NRXN1: variants seen among roughly 807,000 people sequenced by gnomAD.
NRXN1 encodes the protein neurexin 1.
NRXN1 carries 39 observed loss-of-function variants against 150.9 expected under a neutral mutation model. The ratio of observed to expected loss-of-function variants is 0.26; its 90% CI spans 0.20 to 0.34. The LOEUF is 0.34. Ranked by LOEUF, NRXN1 falls within the 10% of genes least tolerant of loss-of-function variation. NRXN1 has a pLI of 1.00. For missense variants in NRXN1, 1,815 were observed against 1,949.9 expected (o/e 0.93, Z 1.30); for synonymous variants, 924 against 757.0 (o/e 1.22, Z -3.62).
At chr2:51,006,969 C>T (rs2105149652) in intron 2 of NRXN1, among the ~76,000 whole-genome samples, 1 of 151,686 alleles carries the variant, frequency 6.6e-6, no homozygotes, top group South Asian at 2.1e-4. Flanking sequence ...TCTATATTCA[C>T]CTATAATCTA....
chr2:49,940,091 G>T (rs1671711177), intron 22 of NRXN1, among the ~76,000 whole-genome samples: 3 of 152,062 alleles, frequency 2.0e-5, no homozygotes, highest in Admixed American at 2.0e-4. Flanking sequence ...CAGAGAAAAA[G>T]CCATTTTTTG....
At chr2:50,223,366 C>T (rs1320244280) in intron 18 of NRXN1, among the ~76,000 whole-genome samples, 3 of 151,956 alleles carry the variant, frequency 2.0e-5, no homozygotes, top group Non-Finnish European at 4.4e-5. Context: ...TTATCCAACA[C>T]CCTTCTCAAT....
intron 17 of NRXN1, among the ~76,000 whole-genome samples, chr2:50,311,446 G>A (rs1054594574): frequency 2.0e-5 from 3 of 152,034 alleles, no homozygotes; most frequent in African/African-American, 7.2e-5. Flanking sequence ...GTTATCTAAG[G>A]TTTCTAAATC....
intron 18 of NRXN1, among the ~76,000 whole-genome samples, chr2:50,137,087 AG>A (rs1706529803): frequency 6.6e-6 from 1 of 152,178 alleles, no homozygotes; most frequent in African/African-American, 2.4e-5. Flanking sequence ...AGACAAACCA[AG>A]TAGATTTTTT....
chr2:50,227,322 G>A (rs1445959725), intron 18 of NRXN1, among the ~76,000 whole-genome samples: 5 of 151,930 alleles, frequency 3.3e-5, no homozygotes, highest in African/African-American at 1.2e-4. Flanking sequence ...TACACATTGG[G>A]AAAAATACTT....
intron 18 of NRXN1, among the ~76,000 whole-genome samples, chr2:50,220,863 T>C (rs369341407): frequency 1.3e-5 from 2 of 151,958 alleles, no homozygotes; most frequent in East Asian, 1.9e-4. Context: ...CCTAAGCCAC[T>C]CTGCTGACAA....
At chr2:50,483,951 T>C (rs2090679504) in intron 15 of NRXN1, among the ~76,000 whole-genome samples, 1 of 152,232 alleles carries the variant, frequency 6.6e-6, no homozygotes. Flanking sequence ...GGTTTTTTTC[T>C]TATTTCAAAA....
At chr2:50,289,275 A>G (rs2072597222) in intron 17 of NRXN1, among the ~76,000 whole-genome samples, 1 of 152,176 alleles carries the variant, frequency 6.6e-6, no homozygotes. Context: ...CACCATAGAT[A>G]TTACTATTGA....
chr2:50,622,309 G>T (rs1680170045), intron 6 of NRXN1, among the ~76,000 whole-genome samples: 1 of 152,126 alleles, frequency 6.6e-6, no homozygotes, highest in South Asian at 2.1e-4. Flanking sequence ...GAACAGGAAA[G>T]AAAAGGTTAG....
At chr2:50,222,587 G>A (rs1326720153) in intron 18 of NRXN1, among the ~76,000 whole-genome samples, 1 of 151,764 alleles carries the variant, frequency 6.6e-6, no homozygotes, top group Non-Finnish European at 1.5e-5. Context: ...ATTTTAAAAT[G>A]TTATCCATTT....
intron 5 of NRXN1, 107 bp downstream of exon 5, chr2:50,921,762 C>T: frequency 2.3e-6 from 1 of 439,308 alleles, no homozygotes; most frequent in Middle Eastern, 3.3e-4. Context: ...ATATACCTAC[C>T]TCCCAGTGCC....
At chr2:50,073,890 T>C (rs1453589488) in intron 19 of NRXN1, among the ~76,000 whole-genome samples, 1 of 152,138 alleles carries the variant, frequency 6.6e-6, no homozygotes, top group Non-Finnish European at 1.5e-5. Context: ...TGAAGAAAAA[T>C]AGGCATATTT....
At position 50,497,829 on chromosome 2, in the gene NRXN1, C is replaced by T. The variant is rs138277457; in HGVS notation, c.2498-115G>A. 2,470 of 896,758 alleles carry T rather than the reference C, an allele frequency of 2.8e-3. 41 individuals carry two copies. The African/African-American group carries it at 0.037, about 13-fold the overall frequency. 55.6% of individuals were successfully genotyped at this position (896,758 alleles called of 1,614,324 possible). On this transcript the variant is annotated intron_variant, in intron 13 of 22. Coordinates refer to ENST00000401669, the MANE Select transcript of NRXN1 (RefSeq NM_001330078.2). ...CAAGGAGCCAAATCCCTCCTTGGTA[C>T]TCAGTTGCATATAGGAAGAACACTT...
At chr2:50,238,170 C>T (rs1390862734) in intron 17 of NRXN1, among the ~76,000 whole-genome samples, 1 of 151,970 alleles carries the variant, frequency 6.6e-6, no homozygotes, top group East Asian at 1.9e-4. Flanking sequence ...CTAGTCTTAC[C>T]TCAATGCATC....
chr2:50,447,194 C>A (rs2086492473), intron 17 of NRXN1, among the ~76,000 whole-genome samples: 1 of 151,962 alleles, frequency 6.6e-6, no homozygotes, highest in Non-Finnish European at 1.5e-5. Flanking sequence ...GCAATGCTGT[C>A]TGGGCATGGT....
At chr2:50,553,585 G>GA (rs530747800) in intron 8 of NRXN1, among the ~76,000 whole-genome samples, 13 of 152,016 alleles carry the variant, frequency 8.6e-5, no homozygotes, top group South Asian at 2.1e-4. Context: ...ACATTTCTCA[G>GA]AAAAAAAATA....
chr2:50,699,484 C>A (rs1226060695), intron 5 of NRXN1, among the ~76,000 whole-genome samples: 1 of 151,988 alleles, frequency 6.6e-6, no homozygotes, highest in East Asian at 1.9e-4. Context: ...AAGGGGAAGT[C>A]AGAGACATCT....
intron 21 of NRXN1, among the ~76,000 whole-genome samples, chr2:49,992,209 A>G (rs1222964408): frequency 6.6e-6 from 1 of 152,106 alleles, no homozygotes; most frequent in East Asian, 1.9e-4. Flanking sequence ...GATCCATGAG[A>G]GAAATAATTA....
chr2:50,043,278 T>C (rs571341582), intron 21 of NRXN1, among the ~76,000 whole-genome samples: 23 of 152,270 alleles, frequency 1.5e-4, no homozygotes, highest in African/African-American at 4.8e-4. Flanking sequence ...GAAAATTCTC[T>C]CTTTGGACAG....
Sources: gnomAD v4.1 joint callset for allele counts (sites outside exome capture counted in the v4.1 genomes callset) on GRCh38, gnomAD v4.1.1 for gene constraint, MANE v1.5 for transcripts, NCBI Gene and HGNC (gene_info 2026-07-23, HGNC 2026-07-21) for gene names.